PPIP5K2: variants seen among roughly 807,000 people sequenced by gnomAD.
PPIP5K2 encodes diphosphoinositol pentakisphosphate kinase 2.
A neutral mutation model predicts 154.6 loss-of-function variants in PPIP5K2; 105 were observed. The ratio of observed to expected loss-of-function variants is 0.68; its 90% CI spans 0.58 to 0.80. PPIP5K2 has a LOEUF of 0.80. PPIP5K2 is among the 30% of genes least tolerant of loss of function. PPIP5K2 has a pLI of 0.00. For synonymous variants in PPIP5K2, 480 were observed against 490.3 expected, an observed-to-expected ratio of 0.98 and a Z score of 0.28; for missense variants, 992 against 1,504.6, an observed-to-expected ratio of 0.66 and a Z score of 5.64.
rs918592990 is a variant in PPIP5K2, at chr5:103,211,994, A to G, written c.*10360A>G. 1 of 152,150 alleles carries G rather than the reference A, an allele frequency of 6.6e-6. No homozygotes were observed. The highest frequency in any genetic ancestry group is 2.1e-4 in the South Asian group (1 of 4,826). 9.4% of individuals were successfully genotyped at this position (152,150 alleles called of 1,614,324 possible). A position where few individuals can be genotyped will look rare whatever the true frequency, so the allele number is the denominator to read the frequency against. ...AATCAAGCTTAAAGTCTTCCTGTCC[A>G]AGGGATATGAAAGGTACCTCAACCT... On this transcript the variant is annotated 3_prime_UTR_variant, in exon 31 of 31. Coordinates refer to ENST00000358359, the MANE Select transcript of PPIP5K2 (RefSeq NM_001276277.3).
At chr5:103,170,495 A>T (rs1279555788) in intron 19 of PPIP5K2, among the ~76,000 whole-genome samples, 2 of 151,638 alleles carry the variant, frequency 1.3e-5, no homozygotes, top group Admixed American at 1.3e-4. Flanking sequence ...AAGTTTACAT[A>T]AATCAGTTCT....
Position 103,210,147 on chromosome 5 carries a change from G to A in PPIP5K2, c.*8513G>A, listed in dbSNP as rs958517997. ...AGCCACACTCATATTGGAAGCGAAT[G>A]GAGTTGACTTCACCAGTGGGAAAAG... On this transcript the variant is annotated 3_prime_UTR_variant, in exon 31 of 31. Transcript: ENST00000358359. 2.0e-5 allele frequency: 3 copies of A among 152,128 alleles called. No individual in the cohort carries two copies. The highest frequency in any genetic ancestry group is 4.8e-5 in the African/African-American group (2 of 41,418). 9.4% of individuals were successfully genotyped at this position (152,128 alleles called of 1,614,324 possible).
chr5:103,191,081 T>A lies in PPIP5K2; in HGVS notation c.3493+99T>A. The A allele has an allele frequency of 5.1e-6, 6 of 1,182,328 alleles. 1 individual carries two copies. In the South Asian group the frequency reaches 7.7e-5, roughly 15 times the overall value. The allele number at this position is 1,182,328 out of a possible 1,614,324, so 73.2% of individuals were successfully genotyped here. ...ATAACAACATAAAAGCAGGTAGTGG[T>A]AATGAGTAGGAGTACAAAGGGGAGT... On this transcript the variant is annotated intron_variant, in intron 29 of 30. Coordinates refer to ENST00000358359, the MANE Select transcript of PPIP5K2 (RefSeq NM_001276277.3).
intron 8 of PPIP5K2, among the ~76,000 whole-genome samples, chr5:103,150,843 C>CT (rs377739666): frequency 0.38 from 26,651 of 69,582 alleles, 3,703 homozygotes; most frequent in South Asian, 0.56. Flanking sequence ...GTCCATCCTC[C>CT]TTTTTTTTTT....
At chr5:103,137,626 T>G (rs1406670587) in intron 4 of PPIP5K2, among the ~76,000 whole-genome samples, 5 of 152,206 alleles carry the variant, frequency 3.3e-5, no homozygotes, top group African/African-American at 1.2e-4. Context: ...CTATAGCTAT[T>G]CTCATAATCT....
Position 103,210,185 on chromosome 5 carries a change from A to T in PPIP5K2, c.*8551A>T, listed in dbSNP as rs1185658661. 1 of 152,202 alleles carries T rather than the reference A, an allele frequency of 6.6e-6. No homozygotes were observed. The highest frequency in any genetic ancestry group is 1.5e-5 in the Non-Finnish European group (1 of 68,024). The allele number at this position is 152,202 out of a possible 1,614,324, so 9.4% of individuals were successfully genotyped here. A position where few individuals can be genotyped will look rare whatever the true frequency, so the allele number is the denominator to read the frequency against. Reference sequence around the variant, plus strand: ...CCAGTGGGAAAAGCAATTACTTTTCAAAGTGAAAACTGATCAATTCACAAC... The same window carrying T: ...CCAGTGGGAAAAGCAATTACTTTTCTAAGTGAAAACTGATCAATTCACAAC... On this transcript the variant is annotated 3_prime_UTR_variant, in exon 31 of 31. Coordinates refer to ENST00000358359, the MANE Select transcript of PPIP5K2 (RefSeq NM_001276277.3).
Position 103,160,152 on chromosome 5 carries a change from T to C in PPIP5K2, c.1920+824T>C, listed in dbSNP as rs545670092. ...ACTTCATCTTGTATATATACTACAC[T>C]TTCTTTATTCATTCATCTGTTATTG... On this transcript the variant is annotated intron_variant, in intron 17 of 30. Coordinates refer to ENST00000358359, the MANE Select transcript of PPIP5K2 (RefSeq NM_001276277.3). 2.6e-5 allele frequency among the ~76,000 whole-genome samples: 4 copies of C among 152,328 alleles called. No homozygotes were observed. In the South Asian group the frequency reaches 8.3e-4, roughly 32 times the overall value.
intron 5 of PPIP5K2, among the ~76,000 whole-genome samples, chr5:103,141,300 T>A (rs1047413447): frequency 6.6e-6 from 1 of 152,080 alleles, no homozygotes; most frequent in Non-Finnish European, 1.5e-5. Context: ...GTTTGGAGTT[T>A]CTTCCTTCTG....
intron 1 of PPIP5K2, among the ~76,000 whole-genome samples, chr5:103,125,916 A>G (rs1307397530): frequency 2.0e-5 from 3 of 152,224 alleles, no homozygotes; most frequent in Admixed American, 2.0e-4. Context: ...ATCACATTTA[A>G]CAAATTGAAA....
At chr5:103,134,843 T>C (rs1354786131) in intron 3 of PPIP5K2, among the ~76,000 whole-genome samples, 10 of 152,230 alleles carry the variant, frequency 6.6e-5, no homozygotes, top group Admixed American at 6.5e-4. Flanking sequence ...CGATGAATTC[T>C]GAGAGTCTTT....
At chr5:103,162,380 A>G (rs114770017) in intron 17 of PPIP5K2, among the ~76,000 whole-genome samples, 1,445 of 136,532 alleles carry the variant, frequency 0.011, 10 homozygotes, top group Non-Finnish European at 0.014. Context: ...TTTGTTTTGT[A>G]GAGACAATGT....
At chr5:103,168,567 T>C (rs137987067) in intron 19 of PPIP5K2, among the ~76,000 whole-genome samples, 1 of 151,874 alleles carries the variant, frequency 6.6e-6, no homozygotes, top group East Asian at 1.9e-4. Flanking sequence ...AAACAGAAGG[T>C]ACAAAGATTT....
intron 24 of PPIP5K2, among the ~76,000 whole-genome samples, chr5:103,181,210 G>A (rs1347529781): frequency 2.0e-5 from 3 of 151,926 alleles, no homozygotes; most frequent in Admixed American, 6.6e-5. Context: ...TCTGTAGGAT[G>A]AGTCTCCCAG....
In PPIP5K2 at chr5:103,209,168, A is replaced by G. The variant is rs1181476363; in HGVS notation, c.*7534A>G. 6.6e-6 allele frequency: 1 copy of G among 152,146 alleles called. No individual in the cohort carries two copies. The highest frequency in any genetic ancestry group is 1.5e-5 in the Non-Finnish European group (1 of 68,022). The allele number at this position is 152,146 out of a possible 1,614,324, so 9.4% of individuals were successfully genotyped here. On this transcript the variant is annotated 3_prime_UTR_variant, in exon 31 of 31. Transcript: ENST00000358359. ...AAGGACTATTTGTTTTTGTTGTAAT[A>G]GAGTTGTATATAGTCCAGATGTCAA...
Position 103,206,857 on chromosome 5 carries a change from G to A in PPIP5K2, c.*5223G>A, listed in dbSNP as rs1435918259. On this transcript the variant is annotated 3_prime_UTR_variant, in exon 31 of 31. Transcript: ENST00000358359. ...CACTGCTAAGGAGCAATGAACAAAAGGTTCCTGCCATCTTATGGACCTCAA... is the reference window on the plus strand; with the variant it reads ...CACTGCTAAGGAGCAATGAACAAAAAGTTCCTGCCATCTTATGGACCTCAA... 6.6e-6 allele frequency: 1 copy of A among 152,276 alleles called. No individual in the cohort carries two copies. The highest frequency in any genetic ancestry group is 6.5e-5 in the Admixed American group (1 of 15,278). 9.4% of individuals were successfully genotyped at this position (152,276 alleles called of 1,614,324 possible). A position where few individuals can be genotyped will look rare whatever the true frequency, so the allele number is the denominator to read the frequency against.
chr5:103,195,000 G>C lies in PPIP5K2; in HGVS notation c.3594G>C (p.Lys1198Asn). The C allele has an allele frequency of 6.2e-7, 1 of 1,613,692 alleles. No homozygotes were observed. Among genetic ancestry groups the C allele is most frequent in the Non-Finnish European group, 8.5e-7 (1 of 1,179,808 alleles). Residue 1198 changes from lysine (K) to asparagine (N), a missense_variant, in exon 30 of 31, where the codon AAG (lysine) becomes AAC (asparagine). Lys to Asn is a moderately conservative substitution (Grantham distance 94). Around this residue, in one of 9 missense-constraint regions of PPIP5K2, gnomAD observed 131 missense variants for 117.8 expected, o/e 1.11. Transcript: ENST00000358359. ...TCCCAACACCACCAGCTACCTTAAA[G>C]AGCACTAAAGCAAGCAGCAAACCAG... ...KILPTPPATL[K>N]STKASSKPAT...
chr5:103,176,622 C>G (rs985652758), intron 21 of PPIP5K2, among the ~76,000 whole-genome samples: 2 of 149,496 alleles, frequency 1.3e-5, no homozygotes, highest in African/African-American at 2.4e-5. Flanking sequence ...ATTGTATACT[C>G]TTAGTGTATA....
intron 30 of PPIP5K2, among the ~76,000 whole-genome samples, chr5:103,200,614 T>TTTTATTTA (rs146954556): frequency 2.8e-4 from 42 of 149,272 alleles, no homozygotes; most frequent in East Asian, 1.8e-3. Context: ...TGGTTTTTTA[T>TTTTATTTA]TTTATTTATT....
Position 103,173,226 on chromosome 5 carries a change from T to A in PPIP5K2, c.2358T>A (p.Ile786=). 6.2e-7 allele frequency: 1 copy of A among 1,611,884 alleles called. No individual in the cohort carries two copies. The highest frequency in any genetic ancestry group is 8.5e-7 in the Non-Finnish European group (1 of 1,178,564). The change falls in exon 20 of 31, where the codon ATT becomes ATA. Residue 786 remains isoleucine (I), a synonymous_variant. Coordinates refer to ENST00000358359, the MANE Select transcript of PPIP5K2 (RefSeq NM_001276277.3). ...ACTGTACTCCTCTGGTTAGAAAAAT[T>A]CGCTCAGACCTTCAGAGGACACAAG... ...KGYCTPLVRK[I]RSDLQRTQDD...
Sources: gnomAD v4.1 joint callset for allele counts (sites outside exome capture counted in the v4.1 genomes callset) on GRCh38, gnomAD v4.1.1 for gene constraint, gnomAD v4.1.1 regional missense constraint, MANE v1.5 for transcripts, NCBI Gene and HGNC (gene_info 2026-07-23, HGNC 2026-07-21) for gene names.